Variants in NXPE2 observed in about 807,000 individuals in gnomAD.
The protein encoded by NXPE2 is NXPE family member 2.
NXPE2 carries 34 observed loss-of-function variants against 34.4 expected under a neutral mutation model. That is an observed-to-expected ratio of 0.99 (90% CI 0.75 to 1.31). NXPE2 has a LOEUF of 1.31. Ranked by LOEUF, NXPE2 falls within the 40% of genes most tolerant of loss-of-function variation. The pLI is 0.00. For synonymous variants in NXPE2, 235 were observed against 231.3 expected (o/e 1.02, Z -0.15); for missense variants, 649 against 672.5 (o/e 0.97, Z 0.39).
At chr11:114,591,638 A>T in the NXPE2 span, among the ~76,000 whole-genome samples, 1 of 152,194 alleles carries the variant, frequency 6.6e-6, no homozygotes, top group Admixed American at 6.5e-5. Context: ...CCTCAGGATG[A>T]CTACAGTCAG....
At chr11:114,623,515 T>G in the NXPE2 span, among the ~76,000 whole-genome samples, 1 of 152,084 alleles carries the variant, frequency 6.6e-6, no homozygotes, top group Admixed American at 6.6e-5. Context: ...ATAATAAGTA[T>G]TCCCTCGTGG....
At chr11:114,578,732 G>GT in the NXPE2 span, among the ~76,000 whole-genome samples, 1 of 152,166 alleles carries the variant, frequency 6.6e-6, no homozygotes, top group Admixed American at 6.6e-5. Context: ...GACAATAATG[G>GT]TTTTGTAGGT....
At chr11:114,762,021 C>T in the NXPE2 span, among the ~76,000 whole-genome samples, 1 of 152,148 alleles carries the variant, frequency 6.6e-6, no homozygotes, top group Non-Finnish European at 1.5e-5. Flanking sequence ...TGAAGACTAA[C>T]GTGTAAACTC....
At chr11:114,784,140 T>C in the NXPE2 span, among the ~76,000 whole-genome samples, 6 of 152,344 alleles carry the variant, frequency 3.9e-5, no homozygotes, top group South Asian at 1.2e-3. Flanking sequence ...TTCTAACTAC[T>C]ATGCTATGCT....
chr11:114,601,396 TC>T, the NXPE2 span, among the ~76,000 whole-genome samples: 102 of 141,940 alleles, frequency 7.2e-4, no homozygotes, highest in Non-Finnish European at 1.3e-3. Context: ...TCCAGTTCCA[TC>T]CGTGTTGCTG....
chr11:114,634,917 T>C, the NXPE2 span, among the ~76,000 whole-genome samples: 1 of 152,062 alleles, frequency 6.6e-6, no homozygotes, highest in African/African-American at 2.4e-5. Flanking sequence ...AGCTTTGTTC[T>C]TTTGGCTTAG....
chr11:114,703,699 T>TGATA (rs1555079972), intron 3 of NXPE2, among the ~76,000 whole-genome samples: 1 of 18,180 alleles, frequency 5.5e-5, no homozygotes, highest in African/African-American at 3.1e-4. Context: ...GATAGATAGA[T>TGATA]GATAGATAGA....
At chr11:114,740,020 A>G in the NXPE2 span, among the ~76,000 whole-genome samples, 1 of 146,118 alleles carries the variant, frequency 6.8e-6, no homozygotes, top group Admixed American at 7.0e-5. Context: ...GAAACCACAG[A>G]TAGTACCAAA....
the NXPE2 span, among the ~76,000 whole-genome samples, chr11:114,803,588 T>TG: frequency 7.5e-6 from 1 of 133,100 alleles, no homozygotes; most frequent in Non-Finnish European, 1.6e-5. Context: ...CTCTCTCTTT[T>TG]TTTTTTTGAG....
chr11:114,473,113 G>T, the NXPE2 span, among the ~76,000 whole-genome samples: 2 of 152,096 alleles, frequency 1.3e-5, no homozygotes, highest in East Asian at 1.9e-4. Flanking sequence ...GATGATGAAG[G>T]TTGTCAGGAT....
Sources: gnomAD v4.1 joint callset for allele counts (sites outside exome capture counted in the v4.1 genomes callset) on GRCh38, gnomAD v4.1.1 for gene constraint, MANE v1.5 for transcripts, NCBI Gene and HGNC (gene_info 2026-07-23, HGNC 2026-07-21) for gene names.